The following C1QTNF7 variants were observed in gnomAD, a reference collection of about 807,000 sequenced individuals.
C1QTNF7 encodes complement C1q tumor necrosis factor-related protein 7.
C1QTNF7 carries 15 observed loss-of-function variants against 19.6 expected under a neutral mutation model. The ratio of observed to expected loss-of-function variants is 0.76; its 90% CI spans 0.51 to 1.18. The LOEUF (loss-of-function observed/expected upper bound fraction) is 1.18. Among genes scored for constraint, C1QTNF7 ranks in the 50% most tolerant of loss-of-function variants. C1QTNF7 has a pLI of 0.00. For missense variants in C1QTNF7, 324 were observed against 359.7 expected (o/e 0.90, Z 0.80); for synonymous variants, 142 against 137.5 (o/e 1.03, Z -0.23).
upstream of C1QTNF7, among the ~76,000 whole-genome samples, chr4:15,423,762 T>A (rs566536091): frequency 4.6e-5 from 7 of 152,318 alleles, no homozygotes; most frequent in South Asian, 1.5e-3. Context: ...CCTTTGCATA[T>A]GACATTCTCT....
chr4:15,441,105 A>G (rs1712742161), intron 2 of C1QTNF7, among the ~76,000 whole-genome samples: 1 of 152,046 alleles, frequency 6.6e-6, no homozygotes, highest in Non-Finnish European at 1.5e-5. Context: ...TCGCGCCATG[A>G]CACTCCAGCC....
chr4:15,443,994 ACCTCCCTTAGTCC>A lies in C1QTNF7; in HGVS notation c.*1197_*1209del, dbSNP rs1423127714. Reference sequence around the variant, plus strand: ...AACAGATATCCCTTCCAAGTCTCACACCTCCCTTAGTCCCACTCTTGCTTGTGTCAGCACCTTG... The same window carrying A: ...AACAGATATCCCTTCCAAGTCTCACACACTCTTGCTTGTGTCAGCACCTTG... On this transcript the variant is annotated 3_prime_UTR_variant, in exon 3 of 3. Transcript: ENST00000444304. The A allele has an allele frequency of 6.6e-6, 1 of 152,010 alleles. No homozygotes were observed. The highest frequency in any genetic ancestry group is 1.5e-5 in the Non-Finnish European group (1 of 68,004). The allele number at this position is 152,010 out of a possible 1,614,324, so 9.4% of individuals were successfully genotyped here.
chr4:15,342,381 G>C (rs1201745991), intron 1 of C1QTNF7, among the ~76,000 whole-genome samples: 1 of 152,198 alleles, frequency 6.6e-6, no homozygotes, highest in Non-Finnish European at 1.5e-5. Context: ...TGATGGGCTA[G>C]AAAAAGAGAC....
In C1QTNF7 at chr4:15,428,036, G is replaced by T; in HGVS notation, c.-79G>T. 3 of 985,360 alleles carry T rather than the reference G, an allele frequency of 3.0e-6. No homozygotes were observed. Among genetic ancestry groups the T allele is most frequent in the Non-Finnish European group, 2.4e-6 (2 of 829,912 alleles). The allele number at this position is 985,360 out of a possible 1,614,324, so 61.0% of individuals were successfully genotyped here. ...CTGGTACCAAAGCAAGTTTTTCACT[G>T]AGCTCTCATGAAAGATCCTCAGTCT... On this transcript the variant is annotated 5_prime_UTR_variant, in exon 1 of 3. Transcript: ENST00000444304.
chr4:15,441,396 T>A (rs1712750243), intron 2 of C1QTNF7, among the ~76,000 whole-genome samples: 1 of 152,204 alleles, frequency 6.6e-6, no homozygotes, highest in Non-Finnish European at 1.5e-5. Flanking sequence ...ACATAGTAAA[T>A]CCTTCATAAA....
intron 1 of C1QTNF7, among the ~76,000 whole-genome samples, chr4:15,406,283 G>A (rs186201020): frequency 6.6e-6 from 1 of 152,334 alleles, no homozygotes; most frequent in Non-Finnish European, 1.5e-5. Context: ...GAATGAGTGA[G>A]AGTATAGACC....
At chr4:15,399,379 A>G (rs1463575009) in intron 1 of C1QTNF7, among the ~76,000 whole-genome samples, 1 of 152,170 alleles carries the variant, frequency 6.6e-6, no homozygotes, top group African/African-American at 2.4e-5. Context: ...CACTTCCAGC[A>G]GCTCTGAATA....
At chr4:15,436,317 G>A (rs919535131) in intron 2 of C1QTNF7, among the ~76,000 whole-genome samples, 3 of 152,334 alleles carry the variant, frequency 2.0e-5, no homozygotes, top group Admixed American at 6.5e-5. Flanking sequence ...AACATCTGAT[G>A]TCCAGAAGTA....
At chr4:15,359,339 T>A (rs1244833012) in intron 1 of C1QTNF7, among the ~76,000 whole-genome samples, 1 of 152,120 alleles carries the variant, frequency 6.6e-6, no homozygotes, top group Admixed American at 6.5e-5. Flanking sequence ...ACATTTTCAT[T>A]TTGTTCTGGG....
chr4:15,391,610 G>T (rs919893402), intron 1 of C1QTNF7, among the ~76,000 whole-genome samples: 2 of 152,136 alleles, frequency 1.3e-5, no homozygotes, highest in Non-Finnish European at 2.9e-5. Flanking sequence ...GCCCTAATGC[G>T]AGTCCCAGTG....
At chr4:15,432,080 C>T (rs1334082989) in intron 1 of C1QTNF7, among the ~76,000 whole-genome samples, 3 of 152,090 alleles carry the variant, frequency 2.0e-5, no homozygotes, top group Non-Finnish European at 4.4e-5. Context: ...CGAAGAGACA[C>T]GTGAGACCCT....
chr4:15,340,035 C>A, exon 1 of C1QTNF7: 2 of 872,162 alleles, frequency 2.3e-6, no homozygotes, highest in African/African-American at 1.7e-5. Flanking sequence ...CATGCTCAGA[C>A]GAGCACTTTA....
chr4:15,425,179 C>G (rs983144188), upstream of C1QTNF7, among the ~76,000 whole-genome samples: 1 of 151,948 alleles, frequency 6.6e-6, no homozygotes, highest in Non-Finnish European at 1.5e-5. Flanking sequence ...GCAAAGATTC[C>G]TAGAGCCTGG....
intron 1 of C1QTNF7, among the ~76,000 whole-genome samples, chr4:15,422,514 G>C (rs945917875): frequency 1.3e-5 from 2 of 152,036 alleles, no homozygotes; most frequent in African/African-American, 2.4e-5. Context: ...ATTATTTCCT[G>C]TCCATTCAAT....
intron 1 of C1QTNF7, among the ~76,000 whole-genome samples, chr4:15,347,054 A>G (rs1471412524): frequency 6.6e-6 from 1 of 152,226 alleles, no homozygotes; most frequent in Non-Finnish European, 1.5e-5. Context: ...GCAACTTTAT[A>G]TGATCCCAAT....
At position 15,445,119 on chromosome 4, in the gene C1QTNF7, T is replaced by C. The variant is rs1456924719; in HGVS notation, c.*2320T>C. The C allele has an allele frequency of 2.0e-5, 3 of 152,226 alleles. No individual in the cohort carries two copies. The highest frequency in any genetic ancestry group is 2.1e-4 in the South Asian group (1 of 4,830). The allele number at this position is 152,226 out of a possible 1,614,324, so 9.4% of individuals were successfully genotyped here. On this transcript the variant is annotated 3_prime_UTR_variant, in exon 3 of 3. Transcript: ENST00000444304. ...CTTCCTGCCATACTTTGTGCACTTATTGCTCTCCTTCTGAGTCAGGACATG... is the reference window on the plus strand; with the variant it reads ...CTTCCTGCCATACTTTGTGCACTTACTGCTCTCCTTCTGAGTCAGGACATG...
At chr4:15,347,032 A>G (rs555081774) in intron 1 of C1QTNF7, among the ~76,000 whole-genome samples, 44 of 152,320 alleles carry the variant, frequency 2.9e-4, no homozygotes, top group African/African-American at 1.0e-3. Flanking sequence ...TTTATTACCT[A>G]CAAAAAAAAT....
chr4:15,437,340 T>G (rs1166647513), intron 2 of C1QTNF7, among the ~76,000 whole-genome samples: 3 of 151,892 alleles, frequency 2.0e-5, no homozygotes, highest in Non-Finnish European at 4.4e-5. Flanking sequence ...TGTAAGTTGG[T>G]GGTAATAAGG....
intron 1 of C1QTNF7, among the ~76,000 whole-genome samples, chr4:15,401,317 A>T (rs780410630): frequency 6.6e-6 from 1 of 152,170 alleles, no homozygotes; most frequent in African/African-American, 2.4e-5. Flanking sequence ...TAAGTGCTTC[A>T]ACCTGAGCCA....
Sources: allele counts gnomAD v4.1 joint callset (sites outside exome capture counted in the v4.1 genomes callset), GRCh38; gene constraint gnomAD v4.1.1; transcripts MANE v1.5; gene names NCBI Gene and HGNC (gene_info 2026-07-23, HGNC 2026-07-21).